VPS41: variants seen among roughly 807,000 people sequenced by gnomAD.
The protein encoded by VPS41 is VPS41 subunit of HOPS complex.
Under a neutral mutation model 130.9 loss-of-function variants are expected in VPS41, and 85 were observed. That is an observed-to-expected ratio of 0.65 (90% CI 0.55 to 0.78). The LOEUF (loss-of-function observed/expected upper bound fraction) is 0.78, where lower values mean the gene tolerates loss of function less well. Ranked by LOEUF, VPS41 falls within the 30% of genes least tolerant of loss-of-function variation. The pLI, the probability that VPS41 is intolerant of heterozygous loss-of-function variation, is 0.00. For synonymous variants in VPS41, 335 were observed against 332.9 expected (o/e 1.01, Z -0.07); for missense variants, 874 against 1,018.7 (o/e 0.86, Z 1.93).
In VPS41 at chr7:38,752,302, C is replaced by T. The variant is rs1262499859; in HGVS notation, c.1800G>A (p.Lys600=). ...RPELQHVYLH[K]LFKRDHHKGQ... The stretch of plus-strand genomic sequence containing the variant: ...CCTTATGGTGGTCTCTCTTGAAAAG[C>T]TTATGCAAATACTAAAAGGAACAAA... Residue 600 remains lysine, a synonymous_variant, in exon 22 of 29, where the codon AAG becomes AAA. Transcript: ENST00000310301. 4 of 1,613,542 alleles carry T rather than the reference C, an allele frequency of 2.5e-6. No homozygotes were observed. The African/African-American group carries it at 5.3e-5, about 22-fold the overall frequency.
intron 10 of VPS41, among the ~76,000 whole-genome samples, chr7:38,788,384 AGCAAAC>A (rs1784475996): frequency 6.6e-6 from 1 of 152,226 alleles, no homozygotes; most frequent in Non-Finnish European, 1.5e-5. Flanking sequence ...TAGAATAAAA[AGCAAAC>A]TACCTGCACT....
At chr7:38,774,914 C>A (rs1224571589) in intron 11 of VPS41, among the ~76,000 whole-genome samples, 2 of 152,002 alleles carry the variant, frequency 1.3e-5, no homozygotes, top group Non-Finnish European at 2.9e-5. Context: ...GTGTACCAAG[C>A]AGATGGAATA....
rs548039547 is a variant in VPS41 at position 38,758,281 on chromosome 7, T to C, written c.1550+73A>G. On this transcript the variant is annotated intron_variant, in intron 18 of 28. Transcript: ENST00000310301. ...AAAATACATCTTCTCCACTTGGAGT[T>C]TGCCAAATCTAAAGTATGAAAAACT... 35 of 1,404,840 alleles carry C rather than the reference T, an allele frequency of 2.5e-5. No individual in the cohort carries two copies. In the East Asian group the frequency reaches 4.0e-4, roughly 16 times the overall value. The allele number at this position is 1,404,840 out of a possible 1,614,324, so 87.0% of individuals were successfully genotyped here. A position where few individuals can be genotyped will look rare whatever the true frequency, so the allele number is the denominator to read the frequency against.
chr7:38,859,960 A>T (rs1279417122), intron 4 of VPS41, among the ~76,000 whole-genome samples: 1 of 152,232 alleles, frequency 6.6e-6, no homozygotes, highest in African/African-American at 2.4e-5. Flanking sequence ...TTGAATTAAC[A>T]TATGCTGAAT....
At chr7:38,870,739 C>CAAAAAAAAAA (rs70977434) in intron 2 of VPS41, among the ~76,000 whole-genome samples, 49 of 29,642 alleles carry the variant, frequency 1.7e-3, no homozygotes, top group Non-Finnish European at 2.4e-3. Context: ...ACTATATGTT[C>CAAAAAAAAAA]AAAAAAAAAA....
At chr7:38,816,755 A>AT in intron 7 of VPS41, among the ~76,000 whole-genome samples, 1 of 152,222 alleles carries the variant, frequency 6.6e-6, no homozygotes, top group South Asian at 2.1e-4. Context: ...TTCTCTTTAC[A>AT]TTTTTTAAGA....
intron 4 of VPS41, among the ~76,000 whole-genome samples, chr7:38,836,591 A>C (rs1043463662): frequency 4.6e-5 from 7 of 152,152 alleles, no homozygotes; most frequent in African/African-American, 1.7e-4. Context: ...GACTGCAAAC[A>C]TCTTTGTACC....
chr7:38,817,967 T>A (rs1785091998), intron 6 of VPS41, 85 bp from the exon 7 acceptor site: 1 of 1,061,080 alleles, frequency 9.4e-7, no homozygotes, highest in South Asian at 1.3e-5. Context: ...TCAAGCAGCA[T>A]GATCTAAAAA....
At chr7:38,854,094 G>A (rs1376547499) in intron 4 of VPS41, among the ~76,000 whole-genome samples, 1 of 152,208 alleles carries the variant, frequency 6.6e-6, no homozygotes, top group African/African-American at 2.4e-5. Flanking sequence ...TTCCATTTAA[G>A]TAATTTTCAA....
At chr7:38,816,417 G>A (rs1785050751) in intron 7 of VPS41, among the ~76,000 whole-genome samples, 1 of 152,080 alleles carries the variant, frequency 6.6e-6, no homozygotes, top group African/African-American at 2.4e-5. Flanking sequence ...ATTGAACCAA[G>A]GGAAAATGAC....
chr7:38,788,775 C>T (rs1185757344), intron 10 of VPS41, among the ~76,000 whole-genome samples: 5 of 152,078 alleles, frequency 3.3e-5, no homozygotes, highest in Admixed American at 1.3e-4. Context: ...TGTAGTTATA[C>T]TCCTAAAGTT....
intron 25 of VPS41, among the ~76,000 whole-genome samples, chr7:38,737,326 C>A (rs1269574876): frequency 1.3e-5 from 2 of 152,018 alleles, no homozygotes; most frequent in African/African-American, 4.8e-5. Flanking sequence ...GAGCTGAGAT[C>A]ACGCCACTGC....
At chr7:38,816,029 CAA>C (rs1785041400) in intron 7 of VPS41, among the ~76,000 whole-genome samples, 1 of 151,944 alleles carries the variant, frequency 6.6e-6, no homozygotes, top group South Asian at 2.1e-4. Context: ...TTTCTTAACC[CAA>C]AAAGTGTTTA....
rs915079538 is a variant in VPS41 at position 38,859,874 on chromosome 7, T to C, written c.246+2671A>G. On this transcript the variant is annotated intron_variant, in intron 4 of 28. Coordinates refer to ENST00000310301, the MANE Select transcript of VPS41 (RefSeq NM_014396.4). Reference sequence around the variant, plus strand: ...TTTACTCTGAGTTAAGTAAAATTGCTTTAGCAATTAAGTTTTGAGTTAACA... The same window carrying C: ...TTTACTCTGAGTTAAGTAAAATTGCCTTAGCAATTAAGTTTTGAGTTAACA... Among the ~76,000 whole-genome samples, 23 of 152,368 alleles carry C rather than the reference T, an allele frequency of 1.5e-4. No homozygotes were observed. The South Asian group carries it at 2.1e-3, about 14-fold the overall frequency.
At chr7:38,897,632 G>A (rs1190044746) in intron 2 of VPS41, among the ~76,000 whole-genome samples, 4 of 129,386 alleles carry the variant, frequency 3.1e-5, no homozygotes, top group South Asian at 2.7e-4. Context: ...GCAACAGAGC[G>A]AGACTCCGTC....
intron 25 of VPS41, among the ~76,000 whole-genome samples, chr7:38,732,801 A>G (rs1795693891): frequency 6.6e-6 from 1 of 152,196 alleles, no homozygotes; most frequent in Non-Finnish European, 1.5e-5. Flanking sequence ...AATGTAACAC[A>G]GAAGCTGCTT....
intron 14 of VPS41, 47 bp from the exon 15 acceptor site, chr7:38,767,645 TGAAA>T: frequency 6.8e-7 from 1 of 1,464,512 alleles, no homozygotes; most frequent in Non-Finnish European, 9.5e-7. Flanking sequence ...CTGAAACAAC[TGAAA>T]AGTTGAGTCT....
At chr7:38,735,436 T>C (rs565420501) in intron 25 of VPS41, among the ~76,000 whole-genome samples, 3 of 152,278 alleles carry the variant, frequency 2.0e-5, no homozygotes, top group African/African-American at 4.8e-5. Context: ...TTGGAAGGCA[T>C]GGAGATGTCT....
rs1265179317 is a variant in VPS41 at position 38,907,152 on chromosome 7, A to T, written c.21+2002T>A. ...ACATTATAGGGAAAAATAATGCAGGAAGGTTTCAAAGCATGGTCAGGGAAG... is the reference window on the plus strand; with the variant it reads ...ACATTATAGGGAAAAATAATGCAGGTAGGTTTCAAAGCATGGTCAGGGAAG... On this transcript the variant is annotated intron_variant, in intron 1 of 28. Transcript: ENST00000310301. Among the ~76,000 whole-genome samples the T allele has an allele frequency of 1.3e-5, 2 of 152,144 alleles. 1 individual carries two copies. Among genetic ancestry groups the T allele is most frequent in the African/African-American group, 4.8e-5 (2 of 41,436 alleles).
Sources: allele counts gnomAD v4.1 joint callset (sites outside exome capture counted in the v4.1 genomes callset), GRCh38; gene constraint gnomAD v4.1.1; transcripts MANE v1.5; gene names NCBI Gene and HGNC (gene_info 2026-07-23, HGNC 2026-07-21).